Variants in RANBP2 observed in about 807,000 individuals in gnomAD.
RANBP2 encodes RAN binding protein 2.
Under a neutral mutation model 303.6 loss-of-function variants are expected in RANBP2, and 57 were observed. That is an observed-to-expected ratio of 0.19 (90% CI 0.15 to 0.23). The LOEUF (loss-of-function observed/expected upper bound fraction) is 0.23. Ranked by LOEUF, RANBP2 falls within the 10% of genes least tolerant of loss-of-function variation. The pLI is 1.00. For missense variants in RANBP2, 3,138 were observed against 3,780.8 expected (o/e 0.83, Z 4.46); for synonymous variants, 1,167 against 1,301.5 (o/e 0.90, Z 2.23).
At chr2:109,695,855 CAG>C in the RANBP2 span, among the ~76,000 whole-genome samples, 1 of 152,092 alleles carries the variant, frequency 6.6e-6, no homozygotes, top group Non-Finnish European at 1.5e-5. Flanking sequence ...TGTTAGGCCA[CAG>C]TTTTCTCAGC....
the RANBP2 span, among the ~76,000 whole-genome samples, chr2:109,108,066 C>T: frequency 4.6e-5 from 7 of 152,154 alleles, no homozygotes; most frequent in East Asian, 5.8e-4. Context: ...CCACCACGCC[C>T]GGCCAGTTTT....
the RANBP2 span, among the ~76,000 whole-genome samples, chr2:108,853,910 T>C: frequency 8.1e-6 from 1 of 122,708 alleles, no homozygotes; most frequent in South Asian, 2.2e-4. Flanking sequence ...TTATATATTA[T>C]ATAGTATATA....
chr2:109,391,160 C>A, the RANBP2 span, among the ~76,000 whole-genome samples: 1 of 152,262 alleles, frequency 6.6e-6, no homozygotes, highest in Non-Finnish European at 1.5e-5. Context: ...AAAGCCTTGC[C>A]TGTACTCAGG....
At chr2:108,721,533 C>T (rs1316730409) in intron 1 of RANBP2, among the ~76,000 whole-genome samples, 1 of 152,144 alleles carries the variant, frequency 6.6e-6, no homozygotes, top group Non-Finnish European at 1.5e-5. Context: ...TTCCGCCTCC[C>T]CAGCTCAAGC....
the RANBP2 span, among the ~76,000 whole-genome samples, chr2:109,149,763 T>A: frequency 6.6e-6 from 1 of 152,210 alleles, no homozygotes; most frequent in Non-Finnish European, 1.5e-5. Context: ...TGTGAGTAAG[T>A]GACAATTGGA....
chr2:109,545,427 A>G, the RANBP2 span: 6 of 1,536,078 alleles, frequency 3.9e-6, no homozygotes, highest in African/African-American at 1.4e-5. Flanking sequence ...CATGCTACTC[A>G]TGGCTGCCCC....
At chr2:109,613,236 G>C in the RANBP2 span, 1 of 1,250,880 alleles carries the variant, frequency 8.0e-7, no homozygotes, top group Non-Finnish European at 1.0e-6. Flanking sequence ...TAACTGGAAA[G>C]GTTCAAAACA....
chr2:108,853,842 T>TATATATATACTATATATATA, the RANBP2 span, among the ~76,000 whole-genome samples: 48 of 133,172 alleles, frequency 3.6e-4, no homozygotes, highest in African/African-American at 1.3e-3. Context: ...CTATATGCAA[T>TATATATATACTATATATATA]ATATATATAC....
chr2:109,196,514 C>T, the RANBP2 span, among the ~76,000 whole-genome samples: 6 of 152,372 alleles, frequency 3.9e-5, no homozygotes, highest in East Asian at 1.2e-3. Flanking sequence ...GTGTCTGGGA[C>T]CAGCTACTTA....
chr2:108,786,810 G>A (rs754865305), downstream of RANBP2: 23 of 1,582,288 alleles, frequency 1.5e-5, no homozygotes, highest in Non-Finnish European at 2.6e-6. Flanking sequence ...GACTGGTACG[G>A]TTGCTGTGTG....
chr2:108,849,034 G>A, the RANBP2 span, among the ~76,000 whole-genome samples: 1 of 152,022 alleles, frequency 6.6e-6, no homozygotes, highest in Non-Finnish European at 1.5e-5. Flanking sequence ...GAAGATACGG[G>A]ATAAAAAGAC....
chr2:109,116,052 T>G, the RANBP2 span, among the ~76,000 whole-genome samples: 1 of 152,322 alleles, frequency 6.6e-6, no homozygotes, highest in African/African-American at 2.4e-5. Context: ...TTCTCTCTGT[T>G]TGCCCTTAAC....
chr2:109,652,563 C>A, the RANBP2 span, among the ~76,000 whole-genome samples: 1 of 152,078 alleles, frequency 6.6e-6, no homozygotes, highest in Admixed American at 6.5e-5. Flanking sequence ...GACCAAGGGA[C>A]CCCTACACAA....
the RANBP2 span, among the ~76,000 whole-genome samples, chr2:109,448,234 GT>G: frequency 6.6e-6 from 1 of 152,178 alleles, no homozygotes; most frequent in Non-Finnish European, 1.5e-5. Context: ...CAGGCTTTAT[GT>G]TTATGAGCAT....
At chr2:109,139,401 G>T in the RANBP2 span, among the ~76,000 whole-genome samples, 1 of 151,942 alleles carries the variant, frequency 6.6e-6, no homozygotes, top group African/African-American at 2.4e-5. Context: ...CTAAACATGT[G>T]CAGTATGAAA....
chr2:109,612,725 G>A, the RANBP2 span, among the ~76,000 whole-genome samples: 1 of 152,080 alleles, frequency 6.6e-6, no homozygotes, highest in African/African-American at 2.4e-5. Context: ...ACTCACACAT[G>A]CACACAAACA....
the RANBP2 span, among the ~76,000 whole-genome samples, chr2:109,719,501 G>A: frequency 4.6e-5 from 7 of 150,886 alleles, no homozygotes; most frequent in African/African-American, 1.5e-4. Context: ...CTGGCTCCCC[G>A]GTTCAAGCAA....
In RANBP2 at chr2:108,753,870, C is replaced by A; in HGVS notation, c.2101C>A (p.Pro701Thr). The A allele has an allele frequency of 1.2e-6, 2 of 1,611,876 alleles. No homozygotes were observed. Among genetic ancestry groups the A allele is most frequent in the Middle Eastern group, 2.3e-4 (1 of 4,430 alleles). The change falls in exon 15 of 29, where the codon CCT becomes ACT. Residue 701 changes from proline to threonine, a missense_variant. This residue lies in a region of RANBP2 where 194 missense variants were observed against 197.4 expected (regional missense o/e 0.98). Transcript: ENST00000283195. ...AGACATTGAAAATGATGCCCTTTCT[C>A]CTGAAGAACAAGAAGAATGCAAAAA... The part of the protein sequence containing the change: ...AEDIENDALS[P>T]EEQEECKNYL...
chr2:109,651,332 C>T, the RANBP2 span, among the ~76,000 whole-genome samples: 3 of 152,146 alleles, frequency 2.0e-5, no homozygotes, highest in Non-Finnish European at 4.4e-5. Context: ...ATACATAAGA[C>T]TGGGCTCAAG....
Sources: gnomAD v4.1 joint callset for allele counts (sites outside exome capture counted in the v4.1 genomes callset) on GRCh38, gnomAD v4.1.1 for gene constraint, gnomAD v4.1.1 regional missense constraint, MANE v1.5 for transcripts, NCBI Gene and HGNC (gene_info 2026-07-23, HGNC 2026-07-21) for gene names.